KCNIP1: variants seen among roughly 807,000 people sequenced by gnomAD.
The protein encoded by KCNIP1 is A-type potassium channel modulatory protein KCNIP1.
In KCNIP1, 18 loss-of-function variants were observed where a neutral mutation model predicts 33.0. That is an observed-to-expected ratio of 0.55 (90% confidence interval 0.38 to 0.81). The LOEUF is 0.81. Ranked by LOEUF, KCNIP1 falls within the 30% of genes least tolerant of loss-of-function variation. The probability of loss-of-function intolerance (pLI) is 0.00; values close to 1 mark genes in which losing one functional copy is unlikely to be tolerated. For missense variants in KCNIP1, 238 were observed against 271.6 expected, an observed-to-expected ratio of 0.88 and a Z score of 0.87; for synonymous variants, 93 against 98.3, an observed-to-expected ratio of 0.95 and a Z score of 0.32.
intron 1 of KCNIP1, among the ~76,000 whole-genome samples, chr5:170,406,469 C>T (rs947988955): frequency 6.6e-6 from 1 of 152,146 alleles, no homozygotes; most frequent in Non-Finnish European, 1.5e-5. Context: ...GACATAATAA[C>T]CCATACAGGG....
intron 1 of KCNIP1, among the ~76,000 whole-genome samples, chr5:170,570,220 T>A (rs1757354176): frequency 6.6e-6 from 1 of 152,202 alleles, no homozygotes; most frequent in African/African-American, 2.4e-5. Flanking sequence ...AAATTAAAGA[T>A]CCTTGGGAAA....
chr5:170,708,549 A>G (rs1483560663), intron 1 of KCNIP1, among the ~76,000 whole-genome samples: 2 of 152,272 alleles, frequency 1.3e-5, no homozygotes, highest in African/African-American at 2.4e-5. Context: ...ATTATCATTT[A>G]GTTCAAAATT....
chr5:170,673,959 G>T (rs1762021571), intron 1 of KCNIP1, among the ~76,000 whole-genome samples: 1 of 152,022 alleles, frequency 6.6e-6, no homozygotes, highest in East Asian at 1.9e-4. Flanking sequence ...AAGGTGCATA[G>T]ATCCTGTGAC....
At chr5:170,526,839 C>T (rs1753463974) in intron 1 of KCNIP1, among the ~76,000 whole-genome samples, 2 of 151,570 alleles carry the variant, frequency 1.3e-5, no homozygotes, top group African/African-American at 4.9e-5. Context: ...TCTCCTGCCT[C>T]AGCCTCCCAA....
At chr5:170,595,299 C>T (rs567749342) in intron 1 of KCNIP1, among the ~76,000 whole-genome samples, 32 of 152,342 alleles carry the variant, frequency 2.1e-4, no homozygotes, top group South Asian at 8.3e-4. Flanking sequence ...ATTAGGATGA[C>T]GGCTCCTTGG....
At chr5:170,727,193 C>A (rs1008473565) in intron 5 of KCNIP1, among the ~76,000 whole-genome samples, 6 of 152,126 alleles carry the variant, frequency 3.9e-5, no homozygotes, top group Non-Finnish European at 8.8e-5. Context: ...GTAAATGAAG[C>A]CAGACGCAAA....
intron 1 of KCNIP1, among the ~76,000 whole-genome samples, chr5:170,699,829 T>C (rs1763030518): frequency 6.6e-6 from 1 of 152,128 alleles, no homozygotes; most frequent in Admixed American, 6.5e-5. Context: ...AGGCCCTCGA[T>C]TGCCATGAGT....
intron 1 of KCNIP1, among the ~76,000 whole-genome samples, chr5:170,663,789 C>T (rs1761589219): frequency 6.6e-6 from 1 of 151,904 alleles, no homozygotes. Flanking sequence ...CTCTCCTTCC[C>T]ACCTACCATG....
At chr5:170,569,910 G>T (rs1757337576) in intron 1 of KCNIP1, among the ~76,000 whole-genome samples, 1 of 152,270 alleles carries the variant, frequency 6.6e-6, no homozygotes, top group African/African-American at 2.4e-5. Flanking sequence ...TTAGCATGGA[G>T]CGAGCCTAAA....
chr5:170,675,495 C>A (rs747596471), intron 1 of KCNIP1, among the ~76,000 whole-genome samples: 52 of 152,032 alleles, frequency 3.4e-4, no homozygotes, highest in Non-Finnish European at 4.9e-4. Context: ...GTGGCACGCA[C>A]CTGTAGTCCC....
At position 170,704,066 on chromosome 5, in the gene KCNIP1, G is replaced by T. The variant is rs1208218436; in HGVS notation, c.62-14692G>T. Among the ~76,000 whole-genome samples, 8 of 137,014 alleles carry T rather than the reference G, an allele frequency of 5.8e-5. 1 individual carries two copies. Among genetic ancestry groups the T allele is most frequent in the African/African-American group, 2.1e-4 (8 of 37,298 alleles). The allele number at this position is 137,014 out of a possible 152,430, so 89.9% of individuals were successfully genotyped here. On this transcript the variant is annotated intron_variant, in intron 1 of 7. Transcript: ENST00000328939. ...AGCTTTTTTTTGCAGTGGTCTGAGAGAGCTGCCCAGAGGAGATGGCACTTA... is the reference window on the plus strand; with the variant it reads ...AGCTTTTTTTTGCAGTGGTCTGAGATAGCTGCCCAGAGGAGATGGCACTTA...
At chr5:170,719,972 C>A (rs569877676) in intron 2 of KCNIP1, among the ~76,000 whole-genome samples, 1 of 152,266 alleles carries the variant, frequency 6.6e-6, no homozygotes, top group East Asian at 1.9e-4. Flanking sequence ...CATAAGATAC[C>A]CTTGGGGAAG....
At chr5:170,603,210 T>C (rs1245775520) in intron 1 of KCNIP1, among the ~76,000 whole-genome samples, 1 of 152,166 alleles carries the variant, frequency 6.6e-6, no homozygotes, top group Non-Finnish European at 1.5e-5. Context: ...GCAACCTGGC[T>C]CACAAGTCAT....
intron 1 of KCNIP1, among the ~76,000 whole-genome samples, chr5:170,699,869 CA>C (rs1475184795): frequency 3.9e-5 from 6 of 152,206 alleles, no homozygotes; most frequent in African/African-American, 1.4e-4. Context: ...ACGAAGCCAG[CA>C]GGCAGAGAGC....
chr5:170,556,063 T>G (rs1756834353), intron 1 of KCNIP1, among the ~76,000 whole-genome samples: 1 of 152,190 alleles, frequency 6.6e-6, no homozygotes, highest in African/African-American at 2.4e-5. Context: ...CTCAACCGTT[T>G]AGTGAACACA....
rs144396222 is a variant in KCNIP1, at chr5:170,472,370, G to C, written c.88+118406G>C. ...ACAGTCCTGTAGGTCCGCCCGCCTG[G>C]GTAAGGGATGGGGTGAAATTGGGGG... is the stretch of plus-strand genomic sequence containing the variant. On this transcript the variant is annotated intron_variant, in intron 1 of 7. Coordinates refer to the KCNIP1 transcript ENST00000377360. Among the ~76,000 whole-genome samples, 1,239 of 152,286 alleles carry C rather than the reference G, an allele frequency of 8.1e-3. 10 individuals carry two copies. Among genetic ancestry groups the C allele is most frequent in the Non-Finnish European group, 0.013 (885 of 68,024 alleles).
At chr5:170,533,666 A>C (rs1755863875) in intron 1 of KCNIP1, among the ~76,000 whole-genome samples, 1 of 152,226 alleles carries the variant, frequency 6.6e-6, no homozygotes, top group African/African-American at 2.4e-5. Flanking sequence ...AAAGGGATCT[A>C]ATAAACCTGT....
chr5:170,457,539 G>A (rs1279115173), intron 1 of KCNIP1, among the ~76,000 whole-genome samples: 2 of 152,180 alleles, frequency 1.3e-5, no homozygotes, highest in Non-Finnish European at 2.9e-5. Flanking sequence ...ACAACCCCCA[G>A]TACCAGCCTG....
At chr5:170,631,279 TG>T (rs1760042338) in intron 1 of KCNIP1, among the ~76,000 whole-genome samples, 1 of 152,070 alleles carries the variant, frequency 6.6e-6, no homozygotes, top group African/African-American at 2.4e-5. Context: ...AGGACAGCTG[TG>T]GGCAGAAAAC....
Sources: gnomAD v4.1 joint callset for allele counts (sites outside exome capture counted in the v4.1 genomes callset) on GRCh38, gnomAD v4.1.1 for gene constraint, MANE v1.5 for transcripts, NCBI Gene and HGNC (gene_info 2026-07-23, HGNC 2026-07-21) for gene names.